FZD6: variants seen among roughly 807,000 people sequenced by gnomAD.
FZD6 encodes the protein frizzled-6.
In FZD6, 49 loss-of-function variants were observed where a neutral mutation model predicts 61.4. That is an observed-to-expected ratio of 0.80 (90% CI 0.63 to 1.01). FZD6 has a LOEUF of 1.01. FZD6 is among the 50% of genes least tolerant of loss of function. FZD6 has a pLI of 0.00. For missense variants in FZD6, 724 were observed against 848.2 expected (o/e 0.85, Z 1.82); for synonymous variants, 265 against 292.2 (o/e 0.91, Z 0.95).
At chr8:103,300,382 TCAAGTTGTGTA>T in intron 2 of FZD6, 98 bp downstream of exon 2, 1 of 909,228 alleles carries the variant, frequency 1.1e-6, no homozygotes, top group South Asian at 1.3e-5. Context: ...GCCGATTTCT[TCAAGTTGTGTA>T]CAAGTTGTGT....
intron 3 of FZD6, among the ~76,000 whole-genome samples, chr8:103,319,968 C>T (rs1282467892): frequency 6.6e-6 from 1 of 152,028 alleles, no homozygotes; most frequent in Non-Finnish European, 1.5e-5. Flanking sequence ...AAGAGGCAAG[C>T]ATATATGGGG....
At chr8:103,325,620 A>C (rs12707777) in intron 4 of FZD6, 122 bp downstream of exon 4, 2 of 816,386 alleles carry the variant, frequency 2.4e-6, no homozygotes, top group Non-Finnish European at 4.2e-6. Context: ...AGCCATAGGT[A>C]AGGATTTCCT....
At position 103,331,426 on chromosome 8, in the gene FZD6, C is replaced by T. The variant is rs145137978; in HGVS notation, c.2038C>T (p.Leu680Phe). Residue 680 changes from leucine to phenylalanine, a missense_variant, in exon 7 of 7, where the codon CTC (leucine) becomes TTC (phenylalanine). Coordinates refer to ENST00000358755, the MANE Select transcript of FZD6 (RefSeq NM_003506.4). ...CCCCAGTTCTTCAGAACCAAGCAGC[C>T]TCAAAGGTTCCACATCTCTGCTTGT... ...QVPSSSEPSS[L>F]KGSTSLLVHP... 1.2e-6 allele frequency: 2 copies of T among 1,609,958 alleles called. No homozygotes were observed. Among genetic ancestry groups the T allele is most frequent in the Non-Finnish European group, 1.7e-6 (2 of 1,176,244 alleles).
intron 2 of FZD6, among the ~76,000 whole-genome samples, chr8:103,313,012 C>T (rs1254415349): frequency 6.6e-6 from 1 of 152,112 alleles, no homozygotes; most frequent in Admixed American, 6.5e-5. Context: ...GGGTAATTTT[C>T]AGGGAGAAAT....
At chr8:103,314,955 G>GT (rs1394778098) in intron 2 of FZD6, among the ~76,000 whole-genome samples, 1 of 152,176 alleles carries the variant, frequency 6.6e-6, no homozygotes, top group Non-Finnish European at 1.5e-5. Context: ...GAACCTGAAT[G>GT]TTTTGTGGCA....
chr8:103,300,345 G>T, intron 2 of FZD6, 61 bp downstream of exon 2: 1 of 1,141,906 alleles, frequency 8.8e-7, no homozygotes, highest in Non-Finnish European at 1.3e-6. Flanking sequence ...GAATAAACTA[G>T]TAAAAATAAG....
chr8:103,318,910 G>T (rs567735464), intron 3 of FZD6, 124 bp downstream of exon 3: 1 of 719,168 alleles, frequency 1.4e-6, no homozygotes, highest in Non-Finnish European at 2.5e-6. Flanking sequence ...CTTAATATAT[G>T]TCAGGCACTA....
At chr8:103,323,247 A>T (rs1378860804) in intron 3 of FZD6, among the ~76,000 whole-genome samples, 1 of 152,162 alleles carries the variant, frequency 6.6e-6, no homozygotes, top group Non-Finnish European at 1.5e-5. Context: ...CTAAGACCAG[A>T]AAGGGTCCCC....
chr8:103,328,981 T>TTTA (rs1363073016), intron 5 of FZD6, among the ~76,000 whole-genome samples: 125 of 140,652 alleles, frequency 8.9e-4, no homozygotes, highest in African/African-American at 2.8e-3. Flanking sequence ...ATAACAAAAT[T>TTTA]GATTTATATT....
chr8:103,310,657 C>T (rs1814470236), intron 2 of FZD6, among the ~76,000 whole-genome samples: 1 of 152,094 alleles, frequency 6.6e-6, no homozygotes, highest in Non-Finnish European at 1.5e-5. Context: ...AAGTCCTCAC[C>T]CTACCCTACA....
At chr8:103,315,704 A>C (rs897100666) in intron 2 of FZD6, among the ~76,000 whole-genome samples, 2 of 152,222 alleles carry the variant, frequency 1.3e-5, no homozygotes, top group African/African-American at 4.8e-5. Context: ...TGATTGTGAT[A>C]ATCATTTCAA....
rs181084792 is a variant in FZD6 at position 103,318,794 on chromosome 8, A to G, written c.374+8A>G. ...GGAGCTTGAATGTGACAGGTAAACAATGTTTTTCATGGAAAGCTACTAATG... is the reference window on the plus strand; with the variant it reads ...GGAGCTTGAATGTGACAGGTAAACAGTGTTTTTCATGGAAAGCTACTAATG... On this transcript the variant is annotated splice_region_variant and intron_variant, in intron 3 of 6. Coordinates refer to ENST00000358755, the MANE Select transcript of FZD6 (RefSeq NM_003506.4). 8.3e-4 allele frequency: 1,261 copies of G among 1,510,682 alleles called. 8 individuals are homozygous for G. The African/African-American group carries it at 0.01, about 12-fold the overall frequency. The allele number at this position is 1,510,682 out of a possible 1,614,324, so 93.6% of individuals were successfully genotyped here. A position where few individuals can be genotyped will look rare whatever the true frequency, so the allele number is the denominator to read the frequency against.
At chr8:103,330,115 C>A in intron 6 of FZD6, 50 bp downstream of exon 6, 1 of 1,447,346 alleles carries the variant, frequency 6.9e-7, no homozygotes, top group Non-Finnish European at 9.7e-7. Flanking sequence ...TACTGCATTA[C>A]ACATTTTTTA....
In FZD6 at chr8:103,332,355, C is replaced by T. The variant is rs556506602; in HGVS notation, c.*846C>T. The T allele has an allele frequency of 6.6e-6, 1 of 152,180 alleles. No individual in the cohort carries two copies. The highest frequency in any genetic ancestry group is 2.1e-4 in the South Asian group (1 of 4,824). 9.4% of individuals were successfully genotyped at this position (152,180 alleles called of 1,614,324 possible). A position where few individuals can be genotyped will look rare whatever the true frequency, so the allele number is the denominator to read the frequency against. On this transcript the variant is annotated 3_prime_UTR_variant, in exon 7 of 7. Coordinates refer to ENST00000358755, the MANE Select transcript of FZD6 (RefSeq NM_003506.4). ...TCCCTTTTTTAATGTTTCATGACCA[C>T]CCATTGATTGTATTATAACCACTTA...
intron 2 of FZD6, among the ~76,000 whole-genome samples, chr8:103,313,370 G>C (rs1264598437): frequency 2.6e-5 from 4 of 152,144 alleles, no homozygotes; most frequent in African/African-American, 9.7e-5. Context: ...ATTTTAATAA[G>C]AAATTGGCTT....
At position 103,300,084 on chromosome 8, in the gene FZD6, G is replaced by A; in HGVS notation, c.-24G>A. The stretch of plus-strand genomic sequence containing the variant: ...AAAGAGTGATTCATCCAAGCCATGT[G>A]GTAAAATCAGGAATTTGAAGAAAAT... On this transcript the variant is annotated 5_prime_UTR_variant, in exon 2 of 7. An upstream open reading frame in the 5' UTR gains an earlier in-frame stop. Coordinates refer to ENST00000358755, the MANE Select transcript of FZD6 (RefSeq NM_003506.4). 6.9e-7 allele frequency: 1 copy of A among 1,439,780 alleles called. No individual in the cohort carries two copies. The highest frequency in any genetic ancestry group is 9.8e-7 in the Non-Finnish European group (1 of 1,020,810). 89.2% of individuals were successfully genotyped at this position (1,439,780 alleles called of 1,614,324 possible).
chr8:103,311,593 T>C (rs1317877638), intron 2 of FZD6, among the ~76,000 whole-genome samples: 1 of 149,744 alleles, frequency 6.7e-6, no homozygotes, highest in Non-Finnish European at 1.5e-5. Context: ...GGCCTGAGGC[T>C]CACTTGAGCC....
In FZD6 at chr8:103,331,681, G is replaced by T; in HGVS notation, c.*172G>T. ...AATAATATGACTCATTTCACACAAA[G>T]GTTAATGACAACAATATACCTGAAA... On this transcript the variant is annotated 3_prime_UTR_variant, in exon 7 of 7. Coordinates refer to ENST00000358755, the MANE Select transcript of FZD6 (RefSeq NM_003506.4). 1.6e-6 allele frequency: 1 copy of T among 619,314 alleles called. No homozygotes were observed. Among genetic ancestry groups the T allele is most frequent in the Non-Finnish European group, 2.9e-6 (1 of 345,472 alleles). The allele number at this position is 619,314 out of a possible 1,614,324, so 38.4% of individuals were successfully genotyped here. A position where few individuals can be genotyped will look rare whatever the true frequency, so the allele number is the denominator to read the frequency against.
At chr8:103,326,699 AAAAAC>A (rs1483137540) in intron 4 of FZD6, among the ~76,000 whole-genome samples, 2 of 115,904 alleles carry the variant, frequency 1.7e-5, no homozygotes, top group Non-Finnish European at 3.6e-5. Flanking sequence ...CGTGACAAAA[AAAAAC>A]AAACAAACAA....
Sources: gnomAD v4.1 joint callset for allele counts (sites outside exome capture counted in the v4.1 genomes callset) on GRCh38, gnomAD v4.1.1 for gene constraint, MANE v1.5 for transcripts, NCBI Gene and HGNC (gene_info 2026-07-23, HGNC 2026-07-21) for gene names.